Variants in FUBP3 observed in about 807,000 individuals in gnomAD.
The protein encoded by FUBP3 is far upstream element binding protein 3.
A neutral mutation model predicts 85.6 loss-of-function variants in FUBP3; 28 were observed. That is an observed-to-expected ratio of 0.33 (90% CI 0.24 to 0.45). The LOEUF (loss-of-function observed/expected upper bound fraction) is 0.45, where lower values mean the gene tolerates loss of function less well. FUBP3 is among the 20% of genes least tolerant of loss of function. The pLI is 1.00. For missense variants in FUBP3, 583 were observed against 755.1 expected (o/e 0.77, Z 2.67); for synonymous variants, 271 against 271.4 (o/e 1.00, Z 0.01).
At chr9:130,634,297 C>T (rs1830331011) in intron 16 of FUBP3, among the ~76,000 whole-genome samples, 3 of 152,250 alleles carry the variant, frequency 2.0e-5, no homozygotes, top group Non-Finnish European at 4.4e-5. Context: ...AGGCACAGCC[C>T]CCAGGCCTTG....
intron 1 of FUBP3, among the ~76,000 whole-genome samples, chr9:130,590,196 TC>T (rs1830564648): frequency 6.6e-6 from 1 of 152,160 alleles, no homozygotes; most frequent in Non-Finnish European, 1.5e-5. Context: ...AAAACATTCA[TC>T]CGTGTATCTC....
intron 1 of FUBP3, among the ~76,000 whole-genome samples, chr9:130,580,084 G>C (rs7846923): frequency 0.13 from 19,287 of 152,214 alleles, 1,480 homozygotes; most frequent in East Asian, 0.24. Flanking sequence ...TGAACCTCGC[G>C]AGGGGAGGGG....
chr9:130,601,527 C>T (rs1371145433), intron 2 of FUBP3, among the ~76,000 whole-genome samples: 8 of 152,046 alleles, frequency 5.3e-5, no homozygotes, highest in Non-Finnish European at 8.8e-5. Context: ...ACTGGGGTGG[C>T]GGGGGTAAGG....
At chr9:130,589,729 A>C (rs1830532850) in intron 1 of FUBP3, among the ~76,000 whole-genome samples, 1 of 58,194 alleles carries the variant, frequency 1.7e-5, no homozygotes, top group African/African-American at 1.1e-4. Flanking sequence ...TTTTTTTTTT[A>C]AGAGACAGGG....
chr9:130,583,935 C>G (rs2118997446), intron 1 of FUBP3, among the ~76,000 whole-genome samples: 1 of 152,144 alleles, frequency 6.6e-6, no homozygotes, highest in Middle Eastern at 3.4e-3. Context: ...CAGGGTCTCA[C>G]TATGTTGCCC....
At chr9:130,629,848 C>T (rs1830140346) in intron 12 of FUBP3, among the ~76,000 whole-genome samples, 1 of 152,224 alleles carries the variant, frequency 6.6e-6, no homozygotes, top group Admixed American at 6.5e-5. Context: ...CCATCCCCCA[C>T]AGAGTTGAGC....
At position 130,637,298 on chromosome 9, in the gene FUBP3, C is replaced by T; in HGVS notation, c.*276C>T. On this transcript the variant is annotated 3_prime_UTR_variant, in exon 19 of 19. Coordinates refer to ENST00000319725, the MANE Select transcript of FUBP3 (RefSeq NM_003934.2). ...CTACAAAGTCAGGCACCAGAATGTG[C>T]CTCAGAGCTGTGACATTTCAACATG... 1 of 461,718 alleles carries T rather than the reference C, an allele frequency of 2.2e-6. No individual in the cohort carries two copies. The highest frequency in any genetic ancestry group is 3.9e-6 in the Non-Finnish European group (1 of 253,902). The allele number at this position is 461,718 out of a possible 1,614,324, so 28.6% of individuals were successfully genotyped here.
intron 2 of FUBP3, among the ~76,000 whole-genome samples, chr9:130,601,643 G>A (rs976812511): frequency 6.6e-5 from 10 of 151,566 alleles, no homozygotes; most frequent in African/African-American, 2.4e-4. Context: ...TTTACTTCAT[G>A]ACCTGCTGAA....
intron 16 of FUBP3, 145 bp from the exon 17 acceptor site, chr9:130,634,522 C>T: frequency 4.8e-6 from 3 of 627,458 alleles, no homozygotes; most frequent in Non-Finnish European, 8.4e-6. Flanking sequence ...CTGCCAGCTG[C>T]CACCTCCTTC....
intron 1 of FUBP3, among the ~76,000 whole-genome samples, chr9:130,594,681 C>T (rs1203210700): frequency 1.3e-5 from 2 of 152,054 alleles, no homozygotes; most frequent in South Asian, 4.1e-4. Context: ...ATGACTTGAG[C>T]TTGGAAAATT....
intron 9 of FUBP3, among the ~76,000 whole-genome samples, chr9:130,622,477 C>A (rs1435774688): frequency 6.6e-6 from 1 of 151,936 alleles, no homozygotes; most frequent in Non-Finnish European, 1.5e-5. Flanking sequence ...ACTAAAAATA[C>A]AAAAATTCGC....
At position 130,633,496 on chromosome 9, in the gene FUBP3, G is replaced by A. The variant is rs191287140; in HGVS notation, c.1511-1171G>A. On this transcript the variant is annotated intron_variant, in intron 16 of 18. Transcript: ENST00000319725. ...CCTTCAGGGGAAACGGCCCCCTGGC[G>A]GGTGGAACGGGCAGAGGCCTGTGGG... is the stretch of plus-strand genomic sequence containing the variant. 2.8e-3 allele frequency among the ~76,000 whole-genome samples: 432 copies of A among 152,362 alleles called. 5 individuals carry two copies. The highest frequency in any genetic ancestry group is 9.6e-3 in the African/African-American group (399 of 41,580).
rs2119072888 is a variant in FUBP3, at chr9:130,612,830, C to T, written c.275-126C>T. On this transcript the variant is annotated intron_variant, in intron 4 of 18. Transcript: ENST00000319725. This position sits in a 1 kb window ranked among gnomAD's most constrained non-coding sequence, Gnocchi z 4.1. ...TGCCCAAAGAGTGGAGATGGGCTCA[C>T]GGGGGCCAACTCGATGTGTAGTATT... 2 of 699,640 alleles carry T rather than the reference C, an allele frequency of 2.9e-6. No homozygotes were observed. Among genetic ancestry groups the T allele is most frequent in the South Asian group, 1.8e-5 (1 of 57,018 alleles). 43.3% of individuals were successfully genotyped at this position (699,640 alleles called of 1,614,324 possible).
intron 2 of FUBP3, 82 bp from the exon 3 acceptor site, chr9:130,609,872 G>T: frequency 9.1e-7 from 1 of 1,098,904 alleles, no homozygotes; most frequent in Non-Finnish European, 1.4e-6. Flanking sequence ...CACCCCACCC[G>T]AAATGGTAAG....
In FUBP3 at chr9:130,626,434, G is replaced by C; in HGVS notation, c.1046G>C (p.Gly349Ala). 1 of 1,614,056 alleles carries C rather than the reference G, an allele frequency of 6.2e-7. No homozygotes were observed. Among genetic ancestry groups the C allele is most frequent in the Non-Finnish European group, 8.5e-7 (1 of 1,179,942 alleles). The change falls in exon 12 of 19, where the codon GGA (glycine) becomes GCA (alanine). Residue 349 changes from glycine (G) to alanine (A), a missense_variant. Physicochemically the swap from Gly to Ala is moderately conservative, Grantham distance 60. Coordinates refer to ENST00000319725, the MANE Select transcript of FUBP3 (RefSeq NM_003934.2). ...RGRGRGDWSV[G>A]APGGVQEITY... ...CGTGGCCGTGGCGACTGGAGCGTGG[G>C]AGCCCCTGGTGGCGTCCAGGAGATA...
In FUBP3 at chr9:130,623,615, T is replaced by C. The variant is rs1389860115; in HGVS notation, c.879T>C (p.Asp293=). ...GTCTCTCACCTGGCTCCTCAGATGA[T>C]GGGATTAGTCCAGAAAGAGCTGCCC... is the stretch of plus-strand genomic sequence containing the variant. ...AGVRIQFKPD[D]GISPERAAQV... Residue 293 remains aspartate (D), a synonymous_variant, in exon 11 of 19, where the codon GAT becomes GAC. Coordinates refer to ENST00000319725, the MANE Select transcript of FUBP3 (RefSeq NM_003934.2). The C allele has an allele frequency of 3.7e-6, 6 of 1,606,874 alleles. No homozygotes were observed. The highest frequency in any genetic ancestry group is 5.1e-6 in the Non-Finnish European group (6 of 1,173,702).
intron 10 of FUBP3, 47 bp downstream of exon 10, chr9:130,622,857 ATCCTT>A: frequency 1.8e-5 from 16 of 883,600 alleles, no homozygotes; most frequent in Non-Finnish European, 2.5e-5. Context: ...AAAAAAAAAA[ATCCTT>A]AGTGTTAAAA....
chr9:130,598,215 TA>T (rs1830964491), intron 2 of FUBP3, among the ~76,000 whole-genome samples: 1 of 152,180 alleles, frequency 6.6e-6, no homozygotes, highest in Non-Finnish European at 1.5e-5. Flanking sequence ...TGCAATGGAC[TA>T]ATGGGAGAAA....
At chr9:130,631,229 CA>C in intron 13 of FUBP3, 1 of 1,276,242 alleles carries the variant, frequency 7.8e-7, no homozygotes, top group Non-Finnish European at 9.9e-7. Context: ...CTGCTCACCT[CA>C]ATGGGGACGT....
Sources: gnomAD v4.1 joint callset for allele counts (sites outside exome capture counted in the v4.1 genomes callset) on GRCh38, gnomAD v4.1.1 for gene constraint, Gnocchi (gnomAD v3.1) non-coding constraint, MANE v1.5 for transcripts, NCBI Gene and HGNC (gene_info 2026-07-23, HGNC 2026-07-21) for gene names.